PPIL4: variants seen among roughly 807,000 people sequenced by gnomAD.
PPIL4 encodes peptidylprolyl isomerase like 4, also known as peptidyl-prolyl cis-trans isomerase-like 4.
PPIL4 carries 50 observed loss-of-function variants against 69.1 expected under a neutral mutation model. The observed-to-expected ratio is 0.72, with a 90% CI of 0.58 to 0.92. The LOEUF (loss-of-function observed/expected upper bound fraction) is 0.92. Ranked by LOEUF, PPIL4 falls within the 40% of genes least tolerant of loss-of-function variation. PPIL4 has a pLI of 0.00. For missense variants in PPIL4, 480 were observed against 587.9 expected (o/e 0.82, Z 1.90); for synonymous variants, 193 against 191.6 (o/e 1.01, Z -0.06).
At chr6:149,505,934 G>T (rs1405597354) in intron 12 of PPIL4, among the ~76,000 whole-genome samples, 8 of 152,096 alleles carry the variant, frequency 5.3e-5, no homozygotes, top group Non-Finnish European at 1.2e-4. Context: ...TGAAACGAAG[G>T]ATCAGCTTCA....
At chr6:149,529,333 C>T (rs1388143101) in intron 7 of PPIL4, among the ~76,000 whole-genome samples, 4 of 152,030 alleles carry the variant, frequency 2.6e-5, no homozygotes, top group Non-Finnish European at 5.9e-5. Context: ...TGGCACACGC[C>T]TGTGGTCCCA....
At chr6:149,530,056 A>G (rs1350743846) in intron 7 of PPIL4, among the ~76,000 whole-genome samples, 8 of 152,154 alleles carry the variant, frequency 5.3e-5, no homozygotes, top group Admixed American at 5.2e-4. Flanking sequence ...ACCTTGAATG[A>G]TCCTGTAAGG....
chr6:149,513,385 C>CA lies in PPIL4; in HGVS notation c.1080-1084dup, dbSNP rs1170985851. On this transcript the variant is annotated intron_variant, in intron 11 of 12. Transcript: ENST00000253329. ...GGGTGACAGAGCGGGGACTCAGTCT[C>CA]AAAAAAAAAAAAAAAAAAAAAAAAA... 2.7e-3 allele frequency among the ~76,000 whole-genome samples: 111 copies of CA among 41,546 alleles called. 21 individuals are homozygous for CA. The highest frequency in any genetic ancestry group is 0.019 in the African/African-American group (100 of 5,396). The allele number at this position is 41,546 out of a possible 152,430, so 27.3% of individuals were successfully genotyped here.
chr6:149,512,993 C>T (rs967582761), intron 11 of PPIL4, among the ~76,000 whole-genome samples: 26 of 151,730 alleles, frequency 1.7e-4, no homozygotes, highest in Non-Finnish European at 3.4e-4. Context: ...CCACCCGCCT[C>T]GGCCTCCCAA....
Position 149,538,326 on chromosome 6 carries a change from C to G in PPIL4, c.322-2588G>C, listed in dbSNP as rs141079298. 4.6e-5 allele frequency among the ~76,000 whole-genome samples: 7 copies of G among 151,730 alleles called. No homozygotes were observed. In the South Asian group the frequency reaches 1.2e-3, roughly 27 times the overall value. On this transcript the variant is annotated intron_variant, in intron 4 of 12. Coordinates refer to ENST00000253329, the MANE Select transcript of PPIL4 (RefSeq NM_139126.4). ...TAACAGTCATTCTGCAGCCATGGAT[C>G]GAAGAGTAATTTCAACTTTCAAGTA...
In PPIL4 at chr6:149,505,410, C is replaced by A; in HGVS notation, c.*43G>T. ...GCTTTCCTGGCACTCTTAAGTTAGA[C>A]AAGAGTAAATATGTTAGCCTCTCAA... On this transcript the variant is annotated 3_prime_UTR_variant, in exon 13 of 13. Transcript: ENST00000253329. 1 of 1,563,684 alleles carries A rather than the reference C, an allele frequency of 6.4e-7. No individual in the cohort carries two copies.
chr6:149,534,680 C>A lies in PPIL4; in HGVS notation c.559G>T (p.Asp187Tyr), dbSNP rs1455805626. The change falls in exon 6 of 13, where the codon GAT (aspartate) becomes TAT (tyrosine). Residue 187 changes from aspartate (D) to tyrosine (Y), a missense_variant and splice_region_variant. Physicochemically the swap from Asp to Tyr is radical, Grantham distance 160. Transcript: ENST00000253329. ...RSPEPTREQL[D>Y]SGRIGADEEI... is the part of the protein sequence containing the mutation. Reference sequence around the variant, plus strand: ...AATCATAAGAGGGCTTTACTTACATCTAATTGTTCCCTTGTAGGTTCTGGT... The same window carrying A: ...AATCATAAGAGGGCTTTACTTACATATAATTGTTCCCTTGTAGGTTCTGGT... The A allele has an allele frequency of 6.7e-7, 1 of 1,487,792 alleles. No homozygotes were observed. The highest frequency in any genetic ancestry group is 9.3e-7 in the Non-Finnish European group (1 of 1,076,322). The allele number at this position is 1,487,792 out of a possible 1,614,324, so 92.2% of individuals were successfully genotyped here.
Position 149,526,677 on chromosome 6 carries a change from A to C in PPIL4, c.778T>G (p.Phe260Val). The C allele has an allele frequency of 6.2e-7, 1 of 1,610,864 alleles. No homozygotes were observed. Among genetic ancestry groups the C allele is most frequent in the Non-Finnish European group, 8.5e-7 (1 of 1,177,818 alleles). Residue 260 changes from phenylalanine to valine, a missense_variant, in exon 8 of 13, where the codon TTC becomes GTC. Transcript: ENST00000253329. ...CTTCTTATTGGCCCAAATCTAGAGAATATTATTTCCAGATCCTCATCTGTG... is the reference window on the plus strand; with the variant it reads ...CTTCTTATTGGCCCAAATCTAGAGACTATTATTTCCAGATCCTCATCTGTG... ...VTTDEDLEII[F>V]SRFGPIRSCE...
intron 11 of PPIL4, among the ~76,000 whole-genome samples, chr6:149,515,356 T>C (rs73781218): frequency 0.012 from 1,748 of 150,876 alleles, 33 homozygotes; most frequent in African/African-American, 0.04. Context: ...AGCCTATTTC[T>C]TAAATGATGG....
Position 149,540,959 on chromosome 6 carries a change from C to T in PPIL4, c.304G>A (p.Asp102Asn). The T allele has an allele frequency of 6.3e-7, 1 of 1,597,076 alleles. No homozygotes were observed. The highest frequency in any genetic ancestry group is 8.6e-7 in the Non-Finnish European group (1 of 1,165,428). ...GTVSMVNNGS[D>N]QHGSQFLITT... The stretch of plus-strand genomic sequence containing the variant: ...TTCCTAACCTGAGATCCATGTTGAT[C>T]ACTGCCATTATTCACCATGGACACT... Residue 102 changes from aspartate to asparagine, a missense_variant, in exon 4 of 13, where the codon GAT becomes AAT. Asp to Asn is a conservative substitution (Grantham distance 23). Transcript: ENST00000253329.
At position 149,533,579 on chromosome 6, in the gene PPIL4, TAAGACAG is replaced by T; in HGVS notation, c.562-12_562-6del. 6.5e-7 allele frequency: 1 copy of T among 1,535,224 alleles called. No individual in the cohort carries two copies. Among genetic ancestry groups the T allele is most frequent in the Non-Finnish European group, 9.0e-7 (1 of 1,110,784 alleles). On this transcript the variant is annotated splice_polypyrimidine_tract_variant and splice_region_variant and intron_variant, in intron 6 of 12. Coordinates refer to ENST00000253329, the MANE Select transcript of PPIL4 (RefSeq NM_139126.4). ...ATCTGCTCCTATTCGACCACTCTGT[TAAGACAG>T]AAGTTACTCATGTATATATTTAAAG...
In PPIL4 at chr6:149,506,714, TCTC is replaced by T. The variant is rs550879832; in HGVS notation, c.1228-1013_1228-1011del. Among the ~76,000 whole-genome samples, 521 of 152,150 alleles carry T rather than the reference TCTC, an allele frequency of 3.4e-3. 2 individuals are homozygous for T. Among genetic ancestry groups the T allele is most frequent in the Middle Eastern group, 0.027 (8 of 294 alleles). On this transcript the variant is annotated intron_variant, in intron 12 of 12. Transcript: ENST00000253329. ...GCTCAACCGATCCTTCCCACCTCAG[TCTC>T]CTAAGTAGCTGAGACCACAGGCATG...
intron 9 of PPIL4, among the ~76,000 whole-genome samples, chr6:149,522,566 T>C (rs1362408099): frequency 2.0e-5 from 3 of 152,196 alleles, no homozygotes; most frequent in Non-Finnish European, 4.4e-5. Flanking sequence ...ACTTTTTTTA[T>C]TATTTTTTTC....
intron 12 of PPIL4, among the ~76,000 whole-genome samples, chr6:149,510,042 G>A (rs1776819658): frequency 6.6e-6 from 1 of 152,100 alleles, no homozygotes; most frequent in South Asian, 2.1e-4. Flanking sequence ...TTACAAGCAT[G>A]AGCCACTGCA....
chr6:149,540,787 TA>T (rs1159626371), intron 4 of PPIL4, among the ~76,000 whole-genome samples, 154 bp downstream of exon 4: 1 of 152,214 alleles, frequency 6.6e-6, no homozygotes, highest in Non-Finnish European at 1.5e-5. Flanking sequence ...AAGAAAATAA[TA>T]TTTTTTAATA....
intron 8 of PPIL4, among the ~76,000 whole-genome samples, chr6:149,525,701 TA>T (rs1777095974): frequency 6.6e-6 from 1 of 152,204 alleles, no homozygotes; most frequent in Non-Finnish European, 1.5e-5. Context: ...CAATGTTAAT[TA>T]CAGAACTAAT....
intron 11 of PPIL4, 56 bp from the exon 12 acceptor site, chr6:149,512,358 C>G: frequency 7.3e-7 from 1 of 1,376,502 alleles, no homozygotes; most frequent in Non-Finnish European, 1.0e-6. Context: ...GACATCAAAA[C>G]TTAAGATCTG....
intron 7 of PPIL4, among the ~76,000 whole-genome samples, chr6:149,531,206 T>A (rs1298404729): frequency 6.6e-5 from 10 of 151,466 alleles, no homozygotes; most frequent in Non-Finnish European, 1.2e-4. Flanking sequence ...TCTACTACAA[T>A]TACAAAAAAT....
chr6:149,542,321 A>T (rs1371444770), intron 1 of PPIL4, among the ~76,000 whole-genome samples: 6 of 152,244 alleles, frequency 3.9e-5, no homozygotes, highest in Non-Finnish European at 8.8e-5. Context: ...CTTTATAAAA[A>T]TCCATACACT....
Sources: gnomAD v4.1 joint callset for allele counts (sites outside exome capture counted in the v4.1 genomes callset) on GRCh38, gnomAD v4.1.1 for gene constraint, MANE v1.5 for transcripts, NCBI Gene and HGNC (gene_info 2026-07-23, HGNC 2026-07-21) for gene names.